GLIS3: variants seen among roughly 807,000 people sequenced by gnomAD.
GLIS3 encodes GLIS family zinc finger 3, also known as zinc finger protein GLIS3.
Under a neutral mutation model 78.6 loss-of-function variants are expected in GLIS3, and 53 were observed. The ratio of observed to expected loss-of-function variants is 0.67; its 90% confidence interval spans 0.54 to 0.85. GLIS3 has a LOEUF of 0.85. Among genes scored for constraint, GLIS3 ranks in the 40% least tolerant of loss-of-function variants. GLIS3 has a pLI of 0.00. For missense variants in GLIS3, 1,703 were observed against 1,231.1 expected, an observed-to-expected ratio of 1.38 and a Z score of -5.74; for synonymous variants, 684 against 509.9, an observed-to-expected ratio of 1.34 and a Z score of -4.60.
At chr9:4,129,600 G>T (rs147924075) in intron 2 of GLIS3, among the ~76,000 whole-genome samples, 3 of 151,930 alleles carry the variant, frequency 2.0e-5, no homozygotes, top group African/African-American at 7.3e-5. Flanking sequence ...TTTCCCCTTC[G>T]CCTTCCACCA....
At chr9:4,311,425 A>G (rs553176740) in intron 2 of GLIS3, among the ~76,000 whole-genome samples, 9 of 152,262 alleles carry the variant, frequency 5.9e-5, no homozygotes, top group African/African-American at 2.2e-4. Flanking sequence ...GTAACTAAAT[A>G]AAGTGTTTAG....
chr9:4,063,225 CAT>C (rs1416498040), intron 4 of GLIS3, among the ~76,000 whole-genome samples: 1 of 152,152 alleles, frequency 6.6e-6, no homozygotes, highest in East Asian at 1.9e-4. Context: ...ACTTATTACT[CAT>C]ATGTGTTTTT....
intron 2 of GLIS3, among the ~76,000 whole-genome samples, chr9:4,268,536 G>C (rs1158159087): frequency 1.3e-5 from 2 of 152,164 alleles, no homozygotes; most frequent in Non-Finnish European, 2.9e-5. Context: ...ATATGGTTTA[G>C]TGTACTTTGC....
intron 1 of GLIS3, chr9:4,298,279 C>T: frequency 2.3e-6 from 1 of 441,482 alleles, no homozygotes; most frequent in Non-Finnish European, 4.6e-6. Flanking sequence ...AGTGTCCTCA[C>T]CCTGTGGTTT....
chr9:4,154,437 T>C (rs1341071480), intron 2 of GLIS3, among the ~76,000 whole-genome samples: 1 of 152,218 alleles, frequency 6.6e-6, no homozygotes. Flanking sequence ...TTTGAATTTT[T>C]TACTTCATTT....
chr9:3,983,251 G>C (rs1269174056), intron 4 of GLIS3, among the ~76,000 whole-genome samples: 1 of 152,178 alleles, frequency 6.6e-6, no homozygotes, highest in Non-Finnish European at 1.5e-5. Flanking sequence ...ATCCATGTAA[G>C]ACATGACTTG....
chr9:3,932,914 G>A, intron 5 of GLIS3: 1 of 322,456 alleles, frequency 3.1e-6, no homozygotes, highest in South Asian at 2.7e-5. Flanking sequence ...TTTTTCAGAA[G>A]AAACCTGATT....
At chr9:4,267,973 G>GTGTGTGTGTA (rs1826169304) in intron 2 of GLIS3, among the ~76,000 whole-genome samples, 1 of 151,930 alleles carries the variant, frequency 6.6e-6, no homozygotes, top group Non-Finnish European at 1.5e-5. Context: ...GTGTGTGTGT[G>GTGTGTGTGTA]TGTATGTGCA....
intron 2 of GLIS3, among the ~76,000 whole-genome samples, chr9:4,235,709 C>A (rs1822669351): frequency 6.6e-6 from 1 of 150,850 alleles, no homozygotes. Context: ...AAGTATTCCC[C>A]AAGCTAGAAA....
intron 2 of GLIS3, among the ~76,000 whole-genome samples, chr9:4,328,305 G>T (rs1817632054): frequency 6.6e-6 from 1 of 152,136 alleles, no homozygotes; most frequent in African/African-American, 2.4e-5. Flanking sequence ...AGAAGAGCTT[G>T]GTCACAGCTC....
intron 7 of GLIS3, among the ~76,000 whole-genome samples, chr9:3,890,263 AAACAAC>A (rs201262591): frequency 1.3e-5 from 2 of 152,278 alleles, no homozygotes; most frequent in South Asian, 2.1e-4. Context: ...CTCTTCATGG[AAACAAC>A]AACAACAACA....
chr9:3,941,783 A>ACTT (rs1216610315), intron 4 of GLIS3, among the ~76,000 whole-genome samples: 6 of 152,220 alleles, frequency 3.9e-5, no homozygotes, highest in Admixed American at 6.5e-5. Flanking sequence ...CAAGTAACAA[A>ACTT]CTTTAATTAG....
At chr9:4,347,735 G>GT (rs146978879) in intron 1 of GLIS3, among the ~76,000 whole-genome samples, 2,378 of 151,188 alleles carry the variant, frequency 0.016, 52 homozygotes, top group African/African-American at 0.046. Flanking sequence ...TTTTTTTGAG[G>GT]TTTTTTTTTG....
At chr9:4,397,138 G>C in the GLIS3 span, among the ~76,000 whole-genome samples, 2 of 136,654 alleles carry the variant, frequency 1.5e-5, no homozygotes, top group African/African-American at 3.0e-5. Context: ...CCATTCTCCT[G>C]CCTCAGCCTC....
chr9:4,287,852 G>C (rs1828133817), intron 1 of GLIS3, among the ~76,000 whole-genome samples: 1 of 152,242 alleles, frequency 6.6e-6, no homozygotes, highest in Non-Finnish European at 1.5e-5. Context: ...CTTCTGCAAA[G>C]TTTGCTGTGT....
intron 8 of GLIS3, among the ~76,000 whole-genome samples, chr9:3,875,243 G>A (rs1821237694): frequency 6.6e-6 from 1 of 152,200 alleles, no homozygotes; most frequent in African/African-American, 2.4e-5. Flanking sequence ...TCAACATTAG[G>A]TGATGTAGTG....
chr9:4,222,671 C>G (rs1156293076), intron 2 of GLIS3, among the ~76,000 whole-genome samples: 1 of 152,192 alleles, frequency 6.6e-6, no homozygotes, highest in Non-Finnish European at 1.5e-5. Flanking sequence ...AAGAACAGTG[C>G]TACTGTAAGA....
intron 2 of GLIS3, among the ~76,000 whole-genome samples, chr9:4,328,270 G>C (rs1283672005): frequency 1.3e-5 from 2 of 152,210 alleles, no homozygotes; most frequent in East Asian, 1.9e-4. Context: ...TTTCAAGGTA[G>C]CTTGGATCAT....
chr9:4,397,009 C>CTTTTTTCT, the GLIS3 span, among the ~76,000 whole-genome samples: 1 of 141,972 alleles, frequency 7.0e-6, no homozygotes, highest in Non-Finnish European at 1.5e-5. Context: ...TTTGTCAATC[C>CTTTTTTCT]TTTTTTCTTT....
Sources: gnomAD v4.1 joint callset for allele counts (sites outside exome capture counted in the v4.1 genomes callset) on GRCh38, gnomAD v4.1.1 for gene constraint, MANE v1.5 for transcripts, NCBI Gene and HGNC (gene_info 2026-07-23, HGNC 2026-07-21) for gene names.